SLC9A9: variants seen among roughly 807,000 people sequenced by gnomAD.
SLC9A9 encodes sodium/hydrogen exchanger 9.
A neutral mutation model predicts 77.8 loss-of-function variants in SLC9A9; 62 were observed. The observed-to-expected ratio is 0.80, with a 90% CI of 0.65 to 0.98. The LOEUF (loss-of-function observed/expected upper bound fraction) is 0.98, where lower values mean the gene tolerates loss of function less well. Among genes scored for constraint, SLC9A9 ranks in the 50% least tolerant of loss-of-function variants. SLC9A9 has a pLI of 0.00. For synonymous variants in SLC9A9, 320 were observed against 283.5 expected (o/e 1.13, Z -1.29); for missense variants, 775 against 774.9 (o/e 1.00, Z 0.00).
chr3:143,600,032 T>A (rs9840660), intron 6 of SLC9A9, among the ~76,000 whole-genome samples: 31,648 of 151,710 alleles, frequency 0.21, 3,446 homozygotes, highest in Middle Eastern at 0.26. Flanking sequence ...AATTAAAAAA[T>A]TTTTTTTATA....
chr3:143,548,410 C>T (rs1407640635), intron 9 of SLC9A9, among the ~76,000 whole-genome samples: 1 of 152,062 alleles, frequency 6.6e-6, no homozygotes, highest in African/African-American at 2.4e-5. Context: ...TGGGTGAGAC[C>T]TCCGGGCTAC....
chr3:143,422,640 G>T (rs982840332), intron 12 of SLC9A9, among the ~76,000 whole-genome samples: 1 of 152,022 alleles, frequency 6.6e-6, no homozygotes, highest in Non-Finnish European at 1.5e-5. Context: ...CTACCTATTG[G>T]GTCCTATGCT....
Position 143,634,147 on chromosome 3 carries a change from C to CTTTTTTTTTTT in SLC9A9, c.755+18107_755+18108insAAAAAAAAAAA, listed in dbSNP as rs1033629087. ...TGCCTATGTGCTCCCATAATCCTTTCTTTAAGCTTGAAATTCAGTAACTTT... is the reference window on the plus strand; with the variant it reads ...TGCCTATGTGCTCCCATAATCCTTTCTTTTTTTTTTTTTTAAGCTTGAAATTCAGTAACTTT... On this transcript the variant is annotated intron_variant, in intron 6 of 15. Coordinates refer to ENST00000316549, the MANE Select transcript of SLC9A9 (RefSeq NM_173653.4). 5.4e-5 allele frequency among the ~76,000 whole-genome samples: 8 copies of CTTTTTTTTTTT among 149,222 alleles called. 1 individual carries two copies. The highest frequency in any genetic ancestry group is 2.1e-4 in the African/African-American group (8 of 38,612).
chr3:143,347,454 A>G (rs947938047), intron 14 of SLC9A9, among the ~76,000 whole-genome samples: 1 of 152,220 alleles, frequency 6.6e-6, no homozygotes, highest in Non-Finnish European at 1.5e-5. Flanking sequence ...TCTTCCCCCA[A>G]ACAGAATCTG....
At chr3:143,382,534 T>C (rs2033331794) in intron 12 of SLC9A9, among the ~76,000 whole-genome samples, 1 of 152,112 alleles carries the variant, frequency 6.6e-6, no homozygotes, top group Non-Finnish European at 1.5e-5. Context: ...TGAGGCAGAG[T>C]AAACAGAACG....
At chr3:143,691,069 G>A (rs1933446438) in intron 5 of SLC9A9, among the ~76,000 whole-genome samples, 1 of 152,044 alleles carries the variant, frequency 6.6e-6, no homozygotes, top group Non-Finnish European at 1.5e-5. Flanking sequence ...TTAAATTCTA[G>A]CATCTGATAC....
At chr3:143,767,316 A>C (rs962092723) in intron 4 of SLC9A9, among the ~76,000 whole-genome samples, 1 of 152,046 alleles carries the variant, frequency 6.6e-6, no homozygotes, top group African/African-American at 2.4e-5. Context: ...TATCATATAC[A>C]CAGATGAGAT....
At chr3:143,417,931 C>A (rs2034227580) in intron 12 of SLC9A9, among the ~76,000 whole-genome samples, 1 of 151,908 alleles carries the variant, frequency 6.6e-6, no homozygotes. Context: ...CAAAGAGCCT[C>A]ATTCCATGCA....
At chr3:143,816,637 T>G (rs6807009) in intron 2 of SLC9A9, among the ~76,000 whole-genome samples, 9 of 152,176 alleles carry the variant, frequency 5.9e-5, no homozygotes, top group African/African-American at 2.2e-4. Flanking sequence ...TACTTAAGTC[T>G]GTGTATACAT....
At chr3:143,819,300 A>C (rs542992559) in intron 2 of SLC9A9, among the ~76,000 whole-genome samples, 2 of 152,234 alleles carry the variant, frequency 1.3e-5, no homozygotes, top group Non-Finnish European at 2.9e-5. Context: ...TTATACATAC[A>C]AAATTGACAG....
At chr3:143,568,635 A>G (rs2037210091) in intron 8 of SLC9A9, among the ~76,000 whole-genome samples, 1 of 152,192 alleles carries the variant, frequency 6.6e-6, no homozygotes, top group Non-Finnish European at 1.5e-5. Context: ...ACTACCTTAT[A>G]AAGTGATCTG....
chr3:143,369,724 C>T (rs1261655517), intron 13 of SLC9A9, among the ~76,000 whole-genome samples: 1 of 152,098 alleles, frequency 6.6e-6, no homozygotes. Flanking sequence ...GTGGGTCATA[C>T]TTAATGGCTC....
intron 14 of SLC9A9, among the ~76,000 whole-genome samples, chr3:143,356,722 C>T (rs2032597390): frequency 1.3e-5 from 2 of 151,972 alleles, no homozygotes; most frequent in Non-Finnish European, 1.5e-5. Flanking sequence ...GCTATGTTGC[C>T]CAGGGTGGTC....
chr3:143,606,128 G>A (rs1397888267), intron 6 of SLC9A9, among the ~76,000 whole-genome samples: 4 of 133,338 alleles, frequency 3.0e-5, no homozygotes, highest in Non-Finnish European at 3.2e-5. Context: ...GGCTGGGCAC[G>A]GTGGCTCAGG....
At chr3:143,363,052 A>G (rs1026568376) in intron 14 of SLC9A9, among the ~76,000 whole-genome samples, 4 of 152,158 alleles carry the variant, frequency 2.6e-5, no homozygotes, top group Non-Finnish European at 5.9e-5. Context: ...TGAAACAAAA[A>G]CACACAAATG....
chr3:143,771,361 G>T (rs1216386469), intron 4 of SLC9A9, among the ~76,000 whole-genome samples: 1 of 152,104 alleles, frequency 6.6e-6, no homozygotes, highest in Non-Finnish European at 1.5e-5. Flanking sequence ...GACATTTTGG[G>T]CAAGATCATG....
At chr3:143,696,259 T>C (rs954805925) in intron 4 of SLC9A9, among the ~76,000 whole-genome samples, 4 of 152,194 alleles carry the variant, frequency 2.6e-5, no homozygotes, top group African/African-American at 7.2e-5. Context: ...GGTTTTCTTC[T>C]AGGGTTTTTA....
chr3:143,298,739 G>A (rs1341630098), intron 14 of SLC9A9, among the ~76,000 whole-genome samples: 1 of 152,160 alleles, frequency 6.6e-6, no homozygotes, highest in African/African-American at 2.4e-5. Context: ...AGACAAAGAA[G>A]ATTATTGAGT....
chr3:143,365,900 G>A (rs2108486106), intron 13 of SLC9A9, among the ~76,000 whole-genome samples: 1 of 152,290 alleles, frequency 6.6e-6, no homozygotes, highest in Middle Eastern at 3.4e-3. Flanking sequence ...GTTATGAAAA[G>A]CTTGGGGCCA....
Sources: gnomAD v4.1 joint callset for allele counts (sites outside exome capture counted in the v4.1 genomes callset) on GRCh38, gnomAD v4.1.1 for gene constraint, MANE v1.5 for transcripts, NCBI Gene and HGNC (gene_info 2026-07-23, HGNC 2026-07-21) for gene names.